Variants in FANCI observed in about 807,000 individuals in gnomAD.
FANCI encodes the protein Fanconi anemia group I protein.
FANCI carries 156 observed loss-of-function variants against 176.1 expected under a neutral mutation model. That is an observed-to-expected ratio of 0.89 (90% CI 0.78 to 1.01). The LOEUF (loss-of-function observed/expected upper bound fraction) is 1.01. Among genes scored for constraint, FANCI ranks in the 50% least tolerant of loss-of-function variants. The pLI, the probability that FANCI is intolerant of heterozygous loss-of-function variation, is 0.00. For synonymous variants in FANCI, 613 were observed against 541.7 expected (o/e 1.13, Z -1.83); for missense variants, 1,678 against 1,534.1 (o/e 1.09, Z -1.57).
Position 89,256,169 on chromosome 15 carries a change from G to A in FANCI, c.85-2535G>A, listed in dbSNP as rs145614224. 2.7e-3 allele frequency among the ~76,000 whole-genome samples: 413 copies of A among 152,232 alleles called. 8 individuals are homozygous for A. The highest frequency in any genetic ancestry group is 0.015 in the East Asian group (77 of 5,192). Reference sequence around the variant, plus strand: ...CTTGGCAGTGCTCACGTTTTGGCTCGGATAAATCTTTGTTGTGGTGGGCTG... The same window carrying A: ...CTTGGCAGTGCTCACGTTTTGGCTCAGATAAATCTTTGTTGTGGTGGGCTG... On this transcript the variant is annotated intron_variant, in intron 2 of 37. Coordinates refer to ENST00000310775, the MANE Select transcript of FANCI (RefSeq NM_001113378.2).
intron 1 of FANCI, chr15:89,245,167 C>CTTTTTTTTTTTTTTTTTTTTTTTTTT (rs1567132810): frequency 8.2e-6 from 1 of 121,278 alleles, no homozygotes; most frequent in African/African-American, 3.6e-5. Context: ...CTTTTCTTTT[C>CTTTTTTTTTTTTTTTTTTTTTTTTTT]TTTTCTTTTC....
chr15:89,306,102 G>A lies in FANCI; in HGVS notation c.3445G>A (p.Val1149Met). Reference protein sequence around the residue: ...GTLLTFFHELVQTALPSGSCV... With the variant: ...GTLLTFFHELMQTALPSGSCV... Reference sequence around the variant, plus strand: ...TCTGCTTACATTTTTCCACGAGCTGGTGCAGACAGCTCTGCCATCAGGCAG... The same window carrying A: ...TCTGCTTACATTTTTCCACGAGCTGATGCAGACAGCTCTGCCATCAGGCAG... Residue 1149 changes from valine (V) to methionine (M), a missense_variant, in exon 32 of 38, where the codon GTG becomes ATG. By Grantham distance (21) the Val-to-Met change is conservative (BLOSUM62 1). Transcript: ENST00000310775. 1 of 1,614,152 alleles carries A rather than the reference G, an allele frequency of 6.2e-7. No homozygotes were observed. Among genetic ancestry groups the A allele is most frequent in the Non-Finnish European group, 8.5e-7 (1 of 1,179,986 alleles).
intron 27 of FANCI, among the ~76,000 whole-genome samples, chr15:89,302,252 G>A (rs1469170802): frequency 6.6e-6 from 1 of 152,178 alleles, no homozygotes; most frequent in Non-Finnish European, 1.5e-5. Context: ...AGAAAGCAGA[G>A]CTGCTTCCTG....
chr15:89,294,600 TAGGGG>T (rs1479957439), intron 23 of FANCI, among the ~76,000 whole-genome samples: 1 of 148,426 alleles, frequency 6.7e-6, no homozygotes, highest in African/African-American at 2.6e-5. Flanking sequence ...AATAAAAAGG[TAGGGG>T]GGGTGACTGA....
intron 34 of FANCI, among the ~76,000 whole-genome samples, chr15:89,310,233 T>TA (rs1187515747): frequency 6.6e-6 from 1 of 152,204 alleles, no homozygotes; most frequent in Non-Finnish European, 1.5e-5. Context: ...AAAGCAGCCA[T>TA]AGATAACTTA....
intron 12 of FANCI, 72 bp from the exon 13 acceptor site, chr15:89,276,639 A>G: frequency 2.0e-6 from 3 of 1,538,296 alleles, no homozygotes; most frequent in Non-Finnish European, 1.8e-6. Flanking sequence ...AATGTATAAC[A>G]GGGCAATGAG....
intron 22 of FANCI, among the ~76,000 whole-genome samples, chr15:89,293,386 G>A (rs1051236139): frequency 1.3e-5 from 2 of 152,164 alleles, no homozygotes; most frequent in Admixed American, 1.3e-4. Flanking sequence ...GCAGGGACTG[G>A]TATAAATAAG....
At chr15:89,311,270 T>A (rs1596333890) in intron 34 of FANCI, among the ~76,000 whole-genome samples, 1 of 149,926 alleles carries the variant, frequency 6.7e-6, no homozygotes, top group African/African-American at 2.5e-5. Flanking sequence ...AAAAAAAAAA[T>A]TAGCCGGGCA....
At chr15:89,275,993 A>G (rs1341690129) in intron 12 of FANCI, among the ~76,000 whole-genome samples, 1 of 152,248 alleles carries the variant, frequency 6.6e-6, no homozygotes, top group Non-Finnish European at 1.5e-5. Context: ...TCTTCAGAGT[A>G]TGAATATTGT....
chr15:89,316,334 T>C, intron 37 of FANCI, 63 bp from the exon 38 acceptor site: 1 of 1,518,800 alleles, frequency 6.6e-7, no homozygotes, highest in East Asian at 2.4e-5. Flanking sequence ...TTTTCCTTCT[T>C]TTTATTTCCA....
intron 13 of FANCI, among the ~76,000 whole-genome samples, chr15:89,277,680 A>G (rs565951489): frequency 1.3e-5 from 2 of 152,224 alleles, no homozygotes; most frequent in South Asian, 4.1e-4. Flanking sequence ...AAAATGGGAA[A>G]TGTACATTTT....
chr15:89,292,681 C>T lies in FANCI; in HGVS notation c.1993-7C>T. The T allele has an allele frequency of 6.2e-7, 1 of 1,612,784 alleles. No individual in the cohort carries two copies. The highest frequency in any genetic ancestry group is 8.5e-7 in the Non-Finnish European group (1 of 1,179,812). On this transcript the variant is annotated splice_region_variant and splice_polypyrimidine_tract_variant and intron_variant, in intron 20 of 37. Transcript: ENST00000310775. ...AGAGTATTTAATTTACTTATTTTCTCCTACAGGATTATCTGCTGTGTTGTA... is the reference window on the plus strand; with the variant it reads ...AGAGTATTTAATTTACTTATTTTCTTCTACAGGATTATCTGCTGTGTTGTA...
At chr15:89,283,405 G>T (rs2053692432) in intron 17 of FANCI, among the ~76,000 whole-genome samples, 155 bp downstream of exon 17, 1 of 152,180 alleles carries the variant, frequency 6.6e-6, no homozygotes, top group Non-Finnish European at 1.5e-5. Context: ...TGATGATGAT[G>T]ATGATATTGG....
chr15:89,279,198 T>C (rs910119566), intron 14 of FANCI, among the ~76,000 whole-genome samples: 1 of 152,130 alleles, frequency 6.6e-6, no homozygotes, highest in Non-Finnish European at 1.5e-5. Flanking sequence ...AGTTTCACTC[T>C]GTTGCCTGGA....
chr15:89,278,832 T>C, intron 14 of FANCI, 58 bp downstream of exon 14: 2 of 1,451,452 alleles, frequency 1.4e-6, no homozygotes, highest in South Asian at 2.3e-5. Flanking sequence ...TTCAATGTCA[T>C]AATCATTTGG....
intron 17 of FANCI, 26 bp from the exon 18 acceptor site, chr15:89,285,070 C>CAG: frequency 6.2e-7 from 1 of 1,613,538 alleles, no homozygotes; most frequent in South Asian, 1.1e-5. Flanking sequence ...GTAAGATAGA[C>CAG]GTGAATTGGC....
intron 32 of FANCI, 97 bp downstream of exon 32, chr15:89,306,291 A>C (rs1431336977): frequency 3.2e-6 from 4 of 1,258,960 alleles, no homozygotes; most frequent in Middle Eastern, 2.3e-4. Context: ...GAATGCCCCT[A>C]AACAAGAGAG....
Position 89,316,740 on chromosome 15 carries a change from T to C in FANCI, c.*281T>C. ...GCTCCACGGGAGCAAATACAGAGCC[T>C]CCAGGCAGTGCTATGGTCCAGGCTG... On this transcript the variant is annotated 3_prime_UTR_variant, in exon 38 of 38. Coordinates refer to ENST00000310775, the MANE Select transcript of FANCI (RefSeq NM_001113378.2). 6.2e-7 allele frequency: 1 copy of C among 1,604,972 alleles called. No homozygotes were observed. Among genetic ancestry groups the C allele is most frequent in the Non-Finnish European group, 8.5e-7 (1 of 1,171,612 alleles).
At chr15:89,315,250 G>A (rs1381269059) in intron 36 of FANCI, 32 bp from the exon 37 acceptor site, 9 of 1,495,652 alleles carry the variant, frequency 6.0e-6, no homozygotes, top group Non-Finnish European at 8.4e-6. Context: ...CTATGAGTAG[G>A]GAGATGTCCC....
Sources: gnomAD v4.1 joint callset for allele counts (sites outside exome capture counted in the v4.1 genomes callset) on GRCh38, gnomAD v4.1.1 for gene constraint, MANE v1.5 for transcripts, NCBI Gene and HGNC (gene_info 2026-07-23, HGNC 2026-07-21) for gene names.